ZNF516: variants seen among roughly 807,000 people sequenced by gnomAD.
ZNF516 encodes zinc finger protein 516.
Under a neutral mutation model 79.7 loss-of-function variants are expected in ZNF516, and 19 were observed. The ratio of observed to expected loss-of-function variants is 0.24; its 90% CI spans 0.17 to 0.35. The LOEUF (loss-of-function observed/expected upper bound fraction) is 0.35. ZNF516 is among the 10% of genes least tolerant of loss of function. The pLI, the probability that ZNF516 is intolerant of heterozygous loss-of-function variation, is 1.00. For synonymous variants in ZNF516, 877 were observed against 739.5 expected (o/e 1.19, Z -3.02); for missense variants, 1,678 against 1,679.5 (o/e 1.00, Z 0.02).
rs1383170241 is a variant in ZNF516 at position 76,459,927 on chromosome 18, G to C, written c.-158+3101C>G. On this transcript the variant is annotated intron_variant, in intron 2 of 6. Coordinates refer to ENST00000443185, the MANE Select transcript of ZNF516 (RefSeq NM_014643.4). This position sits in a 1 kb window ranked among gnomAD's most constrained non-coding sequence, Gnocchi z 5.0. ...TAGGCAGCCTCCTTGGCATCGGGCA[G>C]GTCTGTCTCACCAGTCCCAAATAAT... 6.6e-6 allele frequency among the ~76,000 whole-genome samples: 1 copy of C among 152,196 alleles called. No individual in the cohort carries two copies.
chr18:76,453,914 A>G lies in ZNF516; in HGVS notation c.-158+9114T>C, dbSNP rs189337089. Among the ~76,000 whole-genome samples, 5 of 152,372 alleles carry G rather than the reference A, an allele frequency of 3.3e-5. No individual in the cohort carries two copies. In the East Asian group the frequency reaches 5.8e-4, roughly 18 times the overall value. On this transcript the variant is annotated intron_variant, in intron 2 of 6. Coordinates refer to ENST00000443185, the MANE Select transcript of ZNF516 (RefSeq NM_014643.4). Reference sequence around the variant, plus strand: ...GCCATGTAAACCAGCAGCAAAGAACAATGTTCGCCTCCCAAACACACAGTC... The same window carrying G: ...GCCATGTAAACCAGCAGCAAAGAACGATGTTCGCCTCCCAAACACACAGTC...
intron 3 of ZNF516, among the ~76,000 whole-genome samples, chr18:76,406,054 G>C (rs2075300612): frequency 6.6e-6 from 1 of 152,184 alleles, no homozygotes; most frequent in Admixed American, 6.5e-5. Flanking sequence ...GCTGTCATCA[G>C]ACGACAGCGC....
chr18:76,456,169 T>C (rs2145639001), intron 2 of ZNF516, among the ~76,000 whole-genome samples: 1 of 152,332 alleles, frequency 6.6e-6, no homozygotes, highest in South Asian at 2.1e-4. Context: ...CAATAGATGC[T>C]CACTTTAGCT....
intron 3 of ZNF516, among the ~76,000 whole-genome samples, chr18:76,440,739 TGTTTG>T (rs1568293175): frequency 2.2e-4 from 11 of 51,132 alleles, no homozygotes; most frequent in Non-Finnish European, 2.9e-4. Flanking sequence ...TGTGTGTGTG[TGTTTG>T]TGTGTGTGTG....
chr18:76,388,699 A>G (rs1300872939), intron 3 of ZNF516: 1 of 152,266 alleles, frequency 6.6e-6, no homozygotes, highest in African/African-American at 2.4e-5. Context: ...GAAACTAACA[A>G]GATGAAATCC....
chr18:76,489,090 TG>T (rs1236380820), intron 1 of ZNF516, among the ~76,000 whole-genome samples: 1 of 152,242 alleles, frequency 6.6e-6, no homozygotes, highest in Admixed American at 6.5e-5. Context: ...ATAATGCAGC[TG>T]AAACTCTAAA....
At chr18:76,377,304 T>TA in intron 4 of ZNF516, among the ~76,000 whole-genome samples, 1 of 152,398 alleles carries the variant, frequency 6.6e-6, no homozygotes. Flanking sequence ...TGTCCGGGCC[T>TA]ACGGCCTCAT....
intron 3 of ZNF516, among the ~76,000 whole-genome samples, chr18:76,430,445 T>C (rs936286580): frequency 6.6e-6 from 1 of 152,202 alleles, no homozygotes; most frequent in African/African-American, 2.4e-5. Flanking sequence ...ATATCAAAAA[T>C]GTTCTCTAAT....
rs1230795865 is a variant in ZNF516 at position 76,459,346 on chromosome 18, T to C, written c.-158+3682A>G. Reference sequence around the variant, plus strand: ...GCCCTGACCCGTGGCCACCATCCACTCAACATCATTGAGCCCTCCCACAGG... The same window carrying C: ...GCCCTGACCCGTGGCCACCATCCACCCAACATCATTGAGCCCTCCCACAGG... On this transcript the variant is annotated intron_variant, in intron 2 of 6. Transcript: ENST00000443185. The surrounding 1 kb of genome is among the most constrained non-coding windows in gnomAD (Gnocchi z 5.0). 4.6e-5 allele frequency among the ~76,000 whole-genome samples: 7 copies of C among 152,094 alleles called. No individual in the cohort carries two copies. Among genetic ancestry groups the C allele is most frequent in the Admixed American group, 1.3e-4 (2 of 15,270 alleles).
At chr18:76,490,869 GC>G (rs1915138963) in intron 1 of ZNF516, 10 of 985,468 alleles carry the variant, frequency 1.0e-5, no homozygotes, top group Non-Finnish European at 9.6e-6. Context: ...CCAGCCCAAC[GC>G]CCACGGGCAC....
chr18:76,395,127 T>C (rs2075127160), intron 3 of ZNF516, among the ~76,000 whole-genome samples: 1 of 149,432 alleles, frequency 6.7e-6, no homozygotes, highest in Non-Finnish European at 1.5e-5. Context: ...CTGCATGCCA[T>C]GTTTTTAGGT....
chr18:76,457,457 C>T (rs1358832777), intron 2 of ZNF516, among the ~76,000 whole-genome samples: 3 of 152,212 alleles, frequency 2.0e-5, no homozygotes, highest in Non-Finnish European at 4.4e-5. Context: ...GTCTGTAATG[C>T]CAGCTCTTTG....
At chr18:76,496,160 G>C, upstream of ZNF516, 1 of 855,042 alleles carries the variant, frequency 1.2e-6, no homozygotes, top group Admixed American at 3.6e-5. Context: ...GAGGGCGGGC[G>C]CGCGGGGGCG....
chr18:76,398,606 A>C (rs915525106), intron 3 of ZNF516, among the ~76,000 whole-genome samples: 1 of 152,184 alleles, frequency 6.6e-6, no homozygotes, highest in Non-Finnish European at 1.5e-5. Context: ...AACACTAGTT[A>C]TGAAGGAATG....
chr18:76,412,595 C>T (rs894106637), intron 3 of ZNF516, among the ~76,000 whole-genome samples: 5 of 151,946 alleles, frequency 3.3e-5, no homozygotes, highest in Middle Eastern at 6.8e-3. Flanking sequence ...GACTGCAATG[C>T]ACTGGGTAAT....
intron 6 of ZNF516, among the ~76,000 whole-genome samples, chr18:76,367,545 C>T (rs970689663): frequency 6.6e-6 from 1 of 152,222 alleles, no homozygotes; most frequent in African/African-American, 2.4e-5. Context: ...TGACCCCCAC[C>T]CAGTTCCTCC....
At chr18:76,443,914 G>A (rs1353057659) in intron 2 of ZNF516, among the ~76,000 whole-genome samples, 3 of 152,154 alleles carry the variant, frequency 2.0e-5, no homozygotes, top group Non-Finnish European at 4.4e-5. Flanking sequence ...CTGCATGGCC[G>A]CCACCTACAT....
At chr18:76,492,078 T>C in intron 1 of ZNF516, 2 of 842,798 alleles carry the variant, frequency 2.4e-6, no homozygotes, top group Non-Finnish European at 2.9e-6. Flanking sequence ...ATGGACGAGG[T>C]CCCTCCCAGG....
Position 76,488,122 on chromosome 18 carries a change from CAACCA to C in ZNF516, c.-272+7017_-272+7021del, listed in dbSNP as rs572501723. The C allele has an allele frequency of 6.3e-5, 62 of 985,110 alleles. No individual in the cohort carries two copies. In the South Asian group the frequency reaches 2.6e-3, roughly 42 times the overall value. 61.0% of individuals were successfully genotyped at this position (985,110 alleles called of 1,614,324 possible). A position where few individuals can be genotyped will look rare whatever the true frequency, so the allele number is the denominator to read the frequency against. On this transcript the variant is annotated intron_variant, in intron 1 of 6. Coordinates refer to ENST00000443185, the MANE Select transcript of ZNF516 (RefSeq NM_014643.4). ...CTCTCATACACGGGGAGATGTATTCCAACCATCACCCACTCAGACCCCACAACGGA... is the reference window on the plus strand; with the variant it reads ...CTCTCATACACGGGGAGATGTATTCCTCACCCACTCAGACCCCACAACGGA...
Sources: gnomAD v4.1 joint callset for allele counts (sites outside exome capture counted in the v4.1 genomes callset) on GRCh38, gnomAD v4.1.1 for gene constraint, Gnocchi (gnomAD v3.1) non-coding constraint, MANE v1.5 for transcripts, NCBI Gene and HGNC (gene_info 2026-07-23, HGNC 2026-07-21) for gene names.